TMEM63C: variants seen among roughly 807,000 people sequenced by gnomAD.
TMEM63C encodes transmembrane protein 63C, also known as osmosensitive cation channel TMEM63C.
A neutral mutation model predicts 99.2 loss-of-function variants in TMEM63C; 32 were observed. That is an observed-to-expected ratio of 0.32 (90% CI 0.24 to 0.43). The LOEUF (loss-of-function observed/expected upper bound fraction) is 0.43, where lower values mean the gene tolerates loss of function less well. Among genes scored for constraint, TMEM63C ranks in the 20% least tolerant of loss-of-function variants. The probability of loss-of-function intolerance (pLI) is 1.00; values close to 1 mark genes in which losing one functional copy is unlikely to be tolerated. For synonymous variants in TMEM63C, 376 were observed against 397.9 expected, an observed-to-expected ratio of 0.94 and a Z score of 0.66; for missense variants, 826 against 1,053.0, an observed-to-expected ratio of 0.78 and a Z score of 2.98.
intron 1 of TMEM63C, among the ~76,000 whole-genome samples, chr14:77,203,196 A>C (rs1383414842): frequency 1.3e-5 from 2 of 151,936 alleles, no homozygotes; most frequent in African/African-American, 4.8e-5. Context: ...CGGCCAACAT[A>C]GTGAAACCCT....
intron 2 of TMEM63C, among the ~76,000 whole-genome samples, chr14:77,217,953 G>T (rs1888616756): frequency 6.6e-6 from 1 of 152,156 alleles, no homozygotes; most frequent in Admixed American, 6.5e-5. Flanking sequence ...GGATATGAGG[G>T]TGGTGGGGAG....
intron 23 of TMEM63C, among the ~76,000 whole-genome samples, chr14:77,256,016 G>A (rs1018978313): frequency 7.2e-5 from 11 of 152,184 alleles, no homozygotes; most frequent in African/African-American, 2.7e-4. Context: ...TTTTCTATCT[G>A]CTGCCGTCCC....
chr14:77,244,604 A>G, intron 16 of TMEM63C, 149 bp downstream of exon 16: 1 of 656,114 alleles, frequency 1.5e-6, no homozygotes, highest in Non-Finnish European at 2.7e-6. Flanking sequence ...AACCATCCCC[A>G]AAGACCAACA....
chr14:77,206,337 G>A (rs561609752), intron 1 of TMEM63C, among the ~76,000 whole-genome samples: 32 of 152,204 alleles, frequency 2.1e-4, no homozygotes, highest in Non-Finnish European at 3.4e-4. Context: ...CTGCCCCTGG[G>A]ACTTGATGCT....
At chr14:77,254,840 TAAA>T (rs560274232) in intron 23 of TMEM63C, among the ~76,000 whole-genome samples, 555 of 152,244 alleles carry the variant, frequency 3.6e-3, no homozygotes, top group African/African-American at 0.012. Flanking sequence ...AATAAGAAAA[TAAA>T]AAGTCCATAT....
intron 1 of TMEM63C, among the ~76,000 whole-genome samples, chr14:77,212,623 G>A (rs1358935217): frequency 6.6e-6 from 1 of 152,208 alleles, no homozygotes. Flanking sequence ...GAGGGTGAAG[G>A]GATGCAGAGA....
chr14:77,216,795 G>C (rs1366505896), intron 2 of TMEM63C, among the ~76,000 whole-genome samples: 1 of 151,996 alleles, frequency 6.6e-6, no homozygotes, highest in African/African-American at 2.4e-5. Context: ...GGCTACCATT[G>C]TCTCCTGCCC....
rs527876720 is a variant in TMEM63C, at chr14:77,242,046, T to G, written c.1065-301T>G. On this transcript the variant is annotated intron_variant, in intron 13 of 23. Coordinates refer to ENST00000298351, the MANE Select transcript of TMEM63C (RefSeq NM_020431.4). ...CCCTTATCAAATCTCAAAGAAAGAG[T>G]GTGTTTATGTGCTGTCACTGCTGTT... is the stretch of plus-strand genomic sequence containing the variant. Among the ~76,000 whole-genome samples, 4 of 152,170 alleles carry G rather than the reference T, an allele frequency of 2.6e-5. No individual in the cohort carries two copies. The East Asian group carries it at 7.7e-4, about 29-fold the overall frequency.
rs1249388668 is a variant in TMEM63C at position 77,255,359 on chromosome 14, GC to G, written c.2221-1165del. 2.0e-5 allele frequency among the ~76,000 whole-genome samples: 3 copies of G among 152,318 alleles called. No homozygotes were observed. In the East Asian group the frequency reaches 5.8e-4, roughly 29 times the overall value. On this transcript the variant is annotated intron_variant, in intron 23 of 23. Coordinates refer to ENST00000298351, the MANE Select transcript of TMEM63C (RefSeq NM_020431.4). ...AATTTTTTATCTCTTTGAACACCCA[GC>G]CGGTATTCAAATTGCCTTAATTGTT...
intron 7 of TMEM63C, 132 bp downstream of exon 7, chr14:77,231,862 C>T: frequency 9.5e-7 from 1 of 1,051,958 alleles, no homozygotes; most frequent in Non-Finnish European, 1.4e-6. Flanking sequence ...GTTGTGTGAA[C>T]TTGAACAAAC....
intron 1 of TMEM63C, among the ~76,000 whole-genome samples, chr14:77,199,604 G>A (rs189487059): frequency 1.1e-4 from 17 of 152,218 alleles, no homozygotes; most frequent in African/African-American, 4.1e-4. Context: ...CCACCTCTCC[G>A]AGGCCTTCCT....
chr14:77,248,716 C>T (rs1889307378), intron 19 of TMEM63C, 51 bp from the exon 20 acceptor site: 10 of 1,575,390 alleles, frequency 6.3e-6, no homozygotes, highest in Non-Finnish European at 8.7e-6. Context: ...CAGAAGTAGT[C>T]AAGCCAAGGG....
At position 77,207,196 on chromosome 14, in the gene TMEM63C, G is replaced by A. The variant is rs118117063; in HGVS notation, c.-76-6250G>A. Among the ~76,000 whole-genome samples, 1,025 of 152,374 alleles carry A rather than the reference G, an allele frequency of 6.7e-3. 4 individuals are homozygous for A. The highest frequency in any genetic ancestry group is 0.012 in the Non-Finnish European group (785 of 68,036). On this transcript the variant is annotated intron_variant, in intron 1 of 23. Transcript: ENST00000298351. Reference sequence around the variant, plus strand: ...AAAAGAAACTTCCTGGCAAGGAGAGGCATCTCTGTGGGGGTCCCAGAGGTG... The same window carrying A: ...AAAAGAAACTTCCTGGCAAGGAGAGACATCTCTGTGGGGGTCCCAGAGGTG...
rs112663693 is a variant in TMEM63C at position 77,184,443 on chromosome 14, C to T, written c.-77+2549C>T. On this transcript the variant is annotated intron_variant, in intron 1 of 23. Coordinates refer to ENST00000298351, the MANE Select transcript of TMEM63C (RefSeq NM_020431.4). Reference sequence around the variant, plus strand: ...CCACTGCCTCAACTCTCGAATTCCACGACCTCTGCTCTGATTCTTCCTGGG... The same window carrying T: ...CCACTGCCTCAACTCTCGAATTCCATGACCTCTGCTCTGATTCTTCCTGGG... Among the ~76,000 whole-genome samples the T allele has an allele frequency of 2.2e-3, 337 of 152,290 alleles. 1 individual carries two copies. Among genetic ancestry groups the T allele is most frequent in the African/African-American group, 7.6e-3 (314 of 41,570 alleles).
At chr14:77,182,619 C>T (rs1177091898) in intron 1 of TMEM63C, among the ~76,000 whole-genome samples, 1 of 152,136 alleles carries the variant, frequency 6.6e-6, no homozygotes, top group Non-Finnish European at 1.5e-5. Context: ...GGCCCTTCTT[C>T]CTCTCTAGAC....
intron 5 of TMEM63C, 54 bp downstream of exon 5, chr14:77,220,141 C>CT: frequency 6.7e-7 from 1 of 1,493,930 alleles, no homozygotes; most frequent in Non-Finnish European, 9.1e-7. Flanking sequence ...GGCAGGCAGG[C>CT]GTGGTGTGCA....
chr14:77,187,214 T>G (rs1425271269), intron 1 of TMEM63C, among the ~76,000 whole-genome samples: 1 of 152,200 alleles, frequency 6.6e-6, no homozygotes. Flanking sequence ...GAGCCATCTG[T>G]GTGCCGTCCT....
In TMEM63C at chr14:77,243,106, A is replaced by G. The variant is rs759049993; in HGVS notation, c.1341+50A>G. ...CTGGGGACCCCAGGGAGATCAAGGA[A>G]TAATTCAGGCGAGGATGGGATGGGG... is the stretch of plus-strand genomic sequence containing the variant. On this transcript the variant is annotated intron_variant, in intron 15 of 23. Coordinates refer to ENST00000298351, the MANE Select transcript of TMEM63C (RefSeq NM_020431.4). The G allele has an allele frequency of 1.9e-6, 3 of 1,604,760 alleles. No individual in the cohort carries two copies. The South Asian group carries it at 3.3e-5, about 18-fold the overall frequency.
chr14:77,239,505 CG>C lies in TMEM63C; in HGVS notation c.806+17del. ...TGGACGATCAGAGGTGAGGCTGCAG[CG>C]GGGCCTTTTGGGGCCCGGGGTGGGG... On this transcript the variant is annotated intron_variant, in intron 11 of 23. Coordinates refer to ENST00000298351, the MANE Select transcript of TMEM63C (RefSeq NM_020431.4). 1 of 1,613,032 alleles carries C rather than the reference CG, an allele frequency of 6.2e-7. No homozygotes were observed. The highest frequency in any genetic ancestry group is 8.5e-7 in the Non-Finnish European group (1 of 1,179,634).
Sources: allele counts gnomAD v4.1 joint callset (sites outside exome capture counted in the v4.1 genomes callset), GRCh38; gene constraint gnomAD v4.1.1; transcripts MANE v1.5; gene names NCBI Gene and HGNC (gene_info 2026-07-23, HGNC 2026-07-21).